The following DBF4B variants were observed in gnomAD, a reference collection of about 807,000 sequenced individuals.
DBF4B encodes DBF4B-CDC7 kinase regulatory subunit, also known as protein DBF4 homolog B.
In DBF4B, 49 loss-of-function variants were observed where a neutral mutation model predicts 53.4. That is an observed-to-expected ratio of 0.92 (90% CI 0.73 to 1.16). The LOEUF is 1.16. Among genes scored for constraint, DBF4B ranks in the 50% most tolerant of loss-of-function variants. DBF4B has a pLI of 0.00. For synonymous variants in DBF4B, 257 were observed against 288.7 expected, an observed-to-expected ratio of 0.89 and a Z score of 1.11; for missense variants, 692 against 775.0, an observed-to-expected ratio of 0.89 and a Z score of 1.27.
chr17:44,731,397 G>A, intron 5 of DBF4B: 1 of 218,802 alleles, frequency 4.6e-6, no homozygotes, highest in Non-Finnish European at 9.4e-6. Flanking sequence ...ACCACTTGAG[G>A]CCAGGAGTTC....
rs1398030352 is a variant in DBF4B, at chr17:44,752,116, G to A, written c.*863G>A. On this transcript the variant is annotated 3_prime_UTR_variant, in exon 14 of 14. Transcript: ENST00000315005. ...CTCCACCCCAACTCCCTTCTGCTGGGTGGAATGCAGGAGCTAGCTGCCTCC... is the reference window on the plus strand; with the variant it reads ...CTCCACCCCAACTCCCTTCTGCTGGATGGAATGCAGGAGCTAGCTGCCTCC... 4.2e-6 allele frequency: 4 copies of A among 951,042 alleles called. No individual in the cohort carries two copies. Among genetic ancestry groups the A allele is most frequent in the Non-Finnish European group, 6.4e-6 (4 of 621,308 alleles). The allele number at this position is 951,042 out of a possible 1,614,324, so 58.9% of individuals were successfully genotyped here.
At chr17:44,725,684 CTTTTT>C (rs68091397) in intron 3 of DBF4B, among the ~76,000 whole-genome samples, 14 of 87,658 alleles carry the variant, frequency 1.6e-4, no homozygotes, top group Non-Finnish European at 2.8e-4. Context: ...TTTTGTGCTT[CTTTTT>C]TTTTTTTTTT....
Position 44,730,032 on chromosome 17 carries a change from A to G in DBF4B, c.353A>G (p.Glu118Gly). Residue 118 changes from glutamate (E) to glycine (G), a missense_variant, in exon 4 of 14, where the codon GAA becomes GGA. This residue lies in a region of DBF4B where 597 missense variants were observed against 665.8 expected (regional missense o/e 0.90). Coordinates refer to ENST00000315005, the MANE Select transcript of DBF4B (RefSeq NM_145663.3). ...PSPSPSEVRVETSAMVDPKGS... is the reference protein window; with the variant it reads ...PSPSPSEVRVGTSAMVDPKGS... ...CCTAGCCCCAGTGAGGTCAGAGTGGAAACATCGGCCATGGTTGATCCAAAA... is the reference window on the plus strand; with the variant it reads ...CCTAGCCCCAGTGAGGTCAGAGTGGGAACATCGGCCATGGTTGATCCAAAA... The G allele has an allele frequency of 6.2e-7, 1 of 1,613,460 alleles. No individual in the cohort carries two copies. The highest frequency in any genetic ancestry group is 8.5e-7 in the Non-Finnish European group (1 of 1,180,034).
In DBF4B at chr17:44,751,365, T is replaced by C; in HGVS notation, c.*112T>C. 1 of 1,454,232 alleles carries C rather than the reference T, an allele frequency of 6.9e-7. No individual in the cohort carries two copies. Among genetic ancestry groups the C allele is most frequent in the South Asian group, 1.4e-5 (1 of 69,474 alleles). The allele number at this position is 1,454,232 out of a possible 1,614,324, so 90.1% of individuals were successfully genotyped here. ...GAGCACTGCTCAGACTCCTTTCCAC[T>C]CCAGCCCCCTTTCCACATCGCACCA... On this transcript the variant is annotated 3_prime_UTR_variant, in exon 14 of 14. Coordinates refer to ENST00000315005, the MANE Select transcript of DBF4B (RefSeq NM_145663.3).
At chr17:44,722,796 C>T in intron 2 of DBF4B, 84 bp from the exon 3 acceptor site, 1 of 1,500,558 alleles carries the variant, frequency 6.7e-7, no homozygotes, top group South Asian at 1.2e-5. Flanking sequence ...TTATAGCACA[C>T]AGACTGAGCT....
intron 9 of DBF4B, among the ~76,000 whole-genome samples, chr17:44,740,990 C>A (rs1975953359): frequency 6.6e-6 from 1 of 152,146 alleles, no homozygotes; most frequent in Non-Finnish European, 1.5e-5. Flanking sequence ...AAAAAATTAG[C>A]CGGCCATGGT....
Position 44,716,411 on chromosome 17 carries a change from A to G in DBF4B, c.83-6469A>G, listed in dbSNP as rs188473300. 5.9e-5 allele frequency among the ~76,000 whole-genome samples: 9 copies of G among 152,238 alleles called. No homozygotes were observed. The South Asian group carries it at 1.0e-3, about 18-fold the overall frequency. ...AACAGATCTGTAGGTCTTACTGTTCAGTATACAGATATTCTTTTGATCCCC... is the reference window on the plus strand; with the variant it reads ...AACAGATCTGTAGGTCTTACTGTTCGGTATACAGATATTCTTTTGATCCCC... On this transcript the variant is annotated intron_variant, in intron 2 of 13. Transcript: ENST00000315005.
At chr17:44,722,231 C>T (rs961264642) in intron 2 of DBF4B, among the ~76,000 whole-genome samples, 5 of 151,590 alleles carry the variant, frequency 3.3e-5, no homozygotes, top group African/African-American at 1.2e-4. Flanking sequence ...ATTCTGTGCT[C>T]TCCAACACAC....
chr17:44,711,090 A>G (rs916190057), intron 2 of DBF4B, among the ~76,000 whole-genome samples: 2 of 148,452 alleles, frequency 1.3e-5, no homozygotes, highest in Admixed American at 6.8e-5. Context: ...AATTCAAGCA[A>G]TTCTTTTGCC....
chr17:44,712,030 G>A (rs563609605), intron 2 of DBF4B, among the ~76,000 whole-genome samples: 1 of 151,240 alleles, frequency 6.6e-6, no homozygotes, highest in African/African-American at 2.4e-5. Context: ...CCAGGAGGTG[G>A]AGGTTGCAGT....
Position 44,749,665 on chromosome 17 carries a change from C to A in DBF4B, c.1190-930C>A. 1.7e-6 allele frequency: 2 copies of A among 1,167,382 alleles called. No homozygotes were observed. Among genetic ancestry groups the A allele is most frequent in the Non-Finnish European group, 2.2e-6 (2 of 929,496 alleles). 72.3% of individuals were successfully genotyped at this position (1,167,382 alleles called of 1,614,324 possible). A position where few individuals can be genotyped will look rare whatever the true frequency, so the allele number is the denominator to read the frequency against. On this transcript the variant is annotated intron_variant, in intron 13 of 13. Coordinates refer to ENST00000315005, the MANE Select transcript of DBF4B (RefSeq NM_145663.3). The surrounding 1 kb of genome is among the most constrained non-coding windows in gnomAD (Gnocchi z 4.4). ...GTGGGCTTGCCCAGCTGAGGCTGGC[C>A]GCCCACGCCAGGAGGCAGAGGCGAA...
Position 44,751,187 on chromosome 17 carries a change from A to G in DBF4B, c.1782A>G (p.Lys594=). 6.2e-7 allele frequency: 1 copy of G among 1,613,914 alleles called. No individual in the cohort carries two copies. The highest frequency in any genetic ancestry group is 1.7e-5 in the Admixed American group (1 of 59,996). The change falls in exon 14 of 14, where the codon AAA becomes AAG. Residue 594 remains lysine (K), a synonymous_variant. Transcript: ENST00000315005. The part of the protein sequence containing the change: ...DHDLGHLCQA[K]PQGWNTPQPF... ...ACCTTGGACATCTCTGCCAGGCCAA[A>G]CCCCAAGGCTGGAACACTCCTCAGC...
intron 9 of DBF4B, 102 bp downstream of exon 9, chr17:44,738,526 G>A (rs748963464): frequency 6.6e-5 from 83 of 1,253,114 alleles, no homozygotes; most frequent in Non-Finnish European, 8.9e-5. Flanking sequence ...AAGACATGGA[G>A]CCCCTTAACC....
At chr17:44,721,207 A>G (rs904440275) in intron 2 of DBF4B, among the ~76,000 whole-genome samples, 3 of 126,612 alleles carry the variant, frequency 2.4e-5, no homozygotes, top group African/African-American at 1.1e-4. Flanking sequence ...ATTATCTCCA[A>G]CTAATTCTTC....
intron 2 of DBF4B, among the ~76,000 whole-genome samples, chr17:44,717,362 C>T (rs1224055653): frequency 6.6e-6 from 1 of 152,124 alleles, no homozygotes; most frequent in Admixed American, 6.6e-5. Flanking sequence ...AAGGTTCCTA[C>T]TCTTTACCCA....
At chr17:44,718,575 T>C (rs1484477935) in intron 2 of DBF4B, among the ~76,000 whole-genome samples, 13 of 152,016 alleles carry the variant, frequency 8.6e-5, no homozygotes, top group Admixed American at 7.9e-4. Context: ...TCCACATGAT[T>C]GAATTCAGCT....
rs114768576 is a variant in DBF4B at position 44,741,518 on chromosome 17, C to T, written c.830+66C>T. ...GGCCAAAGTCCTCCCCATCGGGGGC[C>T]TGCTGGTCAGATTTGGGAATGGCCA... On this transcript the variant is annotated intron_variant, in intron 10 of 13. Coordinates refer to ENST00000315005, the MANE Select transcript of DBF4B (RefSeq NM_145663.3). 2,112 of 1,128,580 alleles carry T rather than the reference C, an allele frequency of 1.9e-3. 31 individuals carry two copies. In the African/African-American group the frequency reaches 0.03, roughly 16 times the overall value. 69.9% of individuals were successfully genotyped at this position (1,128,580 alleles called of 1,614,324 possible).
chr17:44,713,539 A>G (rs1973082281), intron 2 of DBF4B, among the ~76,000 whole-genome samples: 1 of 151,868 alleles, frequency 6.6e-6, no homozygotes, highest in South Asian at 2.1e-4. Flanking sequence ...AATCCCAGCT[A>G]CTTGGGAGAC....
At chr17:44,750,038 C>T in intron 13 of DBF4B, 2 of 1,000,386 alleles carry the variant, frequency 2.0e-6, no homozygotes, top group South Asian at 8.9e-5. Flanking sequence ...GCCAGAGCCC[C>T]CTCTGGGACC....
Sources: allele counts gnomAD v4.1 joint callset (sites outside exome capture counted in the v4.1 genomes callset), GRCh38; gene constraint gnomAD v4.1.1; regional missense constraint gnomAD v4.1.1; non-coding constraint Gnocchi (gnomAD v3.1); transcripts MANE v1.5; gene names NCBI Gene and HGNC (gene_info 2026-07-23, HGNC 2026-07-21).